PTK2: variants seen among roughly 807,000 people sequenced by gnomAD.
PTK2 encodes the protein protein tyrosine kinase 2.
A neutral mutation model predicts 150.1 loss-of-function variants in PTK2; 45 were observed. The observed-to-expected ratio is 0.30, with a 90% CI of 0.24 to 0.38. PTK2 has a LOEUF of 0.38. Ranked by LOEUF, PTK2 falls within the 10% of genes least tolerant of loss-of-function variation. PTK2 has a pLI of 1.00. For missense variants in PTK2, 919 were observed against 1,307.3 expected (o/e 0.70, Z 4.58); for synonymous variants, 432 against 449.2 (o/e 0.96, Z 0.48).
intron 22 of PTK2, 149 bp downstream of exon 25, chr8:140,735,102 A>T: frequency 1.4e-6 from 1 of 720,754 alleles, no homozygotes; most frequent in South Asian, 1.9e-5. Context: ...AAAGAAATGC[A>T]AATCAATTTT....
rs751260741 is a variant in PTK2, at chr8:140,670,488, A to ACAC, written c.2710-2065_2710-2064insGTG. Among the ~76,000 whole-genome samples the ACAC allele has an allele frequency of 7.4e-4, 29 of 38,936 alleles. 1 individual carries two copies. Among genetic ancestry groups the ACAC allele is most frequent in the Middle Eastern group, 0.022 (1 of 46 alleles). 25.5% of individuals were successfully genotyped at this position (38,936 alleles called of 152,430 possible). On this transcript the variant is annotated intron_variant, in intron 29 of 31. Transcript: ENST00000522684. ...AAAAAAAAAAAAAAAAAAAAACAACAACACACACACACACACACACACACA... is the reference window on the plus strand; with the variant it reads ...AAAAAAAAAAAAAAAAAAAAACAACACACACACACACACACACACACACACACA...
intron 15 of PTK2, among the ~76,000 whole-genome samples, chr8:140,763,737 T>A (rs10099837): frequency 0.022 from 3,379 of 152,172 alleles, 131 homozygotes; most frequent in African/African-American, 0.078. Context: ...CTGACGATGG[T>A]TATGAGCTAT....
At chr8:140,716,390 C>G (rs958414810) in intron 23 of PTK2, among the ~76,000 whole-genome samples, 2 of 152,122 alleles carry the variant, frequency 1.3e-5, no homozygotes, top group Admixed American at 6.5e-5. Context: ...CTAAGGATTT[C>G]CTGTTGTTGT....
intron 4 of PTK2, among the ~76,000 whole-genome samples, chr8:140,874,625 A>C (rs1001798894): frequency 1.3e-5 from 2 of 152,128 alleles, no homozygotes; most frequent in Non-Finnish European, 2.9e-5. Context: ...AAAAGTTATT[A>C]AGCCTTTCCA....
chr8:140,719,903 A>T, intron 22 of PTK2, among the ~76,000 whole-genome samples: 1 of 149,718 alleles, frequency 6.7e-6, no homozygotes, highest in Non-Finnish European at 1.5e-5. Flanking sequence ...AAAAAAAAAA[A>T]AAAAAAAAAA....
chr8:140,905,266 T>C (rs1299679970), intron 2 of PTK2, among the ~76,000 whole-genome samples: 2 of 152,124 alleles, frequency 1.3e-5, no homozygotes, highest in Admixed American at 6.6e-5. Flanking sequence ...CGGAGTGCTG[T>C]ATTTGGGAGA....
chr8:140,787,175 G>A (rs1049105802), intron 14 of PTK2, among the ~76,000 whole-genome samples: 27 of 152,232 alleles, frequency 1.8e-4, no homozygotes, highest in Middle Eastern at 3.4e-3. Flanking sequence ...TCCTAGTTAC[G>A]GAATACCTAG....
intron 29 of PTK2, 193 bp downstream of exon 33, chr8:140,669,534 T>A: frequency 1.8e-6 from 1 of 557,814 alleles, no homozygotes; most frequent in South Asian, 2.8e-5. Flanking sequence ...ATTCATTTAC[T>A]GCAAAGATGT....
At chr8:140,964,836 A>C (rs2100184684) in intron 1 of PTK2, among the ~76,000 whole-genome samples, 1 of 152,136 alleles carries the variant, frequency 6.6e-6, no homozygotes, top group Admixed American at 6.5e-5. Flanking sequence ...CCAGGAACAA[A>C]AATTCAAAGA....
chr8:140,917,326 A>G, intron 2 of PTK2, among the ~76,000 whole-genome samples: 1 of 150,048 alleles, frequency 6.7e-6, no homozygotes, highest in Admixed American at 6.6e-5. Context: ...TGGGCGACAG[A>G]GCAAGACTCT....
intron 5 of PTK2, among the ~76,000 whole-genome samples, chr8:140,851,550 C>T (rs538521550): frequency 5.9e-4 from 90 of 152,112 alleles, no homozygotes; most frequent in African/African-American, 1.9e-3. Flanking sequence ...TTAAGTAACC[C>T]CAAATTTTAT....
rs909634999 is a variant in PTK2, at chr8:140,715,284, T to G, written c.2142+2314A>C. Among the ~76,000 whole-genome samples the G allele has an allele frequency of 2.0e-5, 3 of 147,330 alleles. No homozygotes were observed. The South Asian group carries it at 6.8e-4, about 33-fold the overall frequency. ...GCCTCCTGAGTTCAAGCAATTATCT[T>G]GCCTCAGCCTCCTGAGTAGCTGGGA... On this transcript the variant is annotated intron_variant, in intron 23 of 31. Transcript: ENST00000522684.
chr8:140,870,334 ACTAT>A (rs898584697), intron 4 of PTK2, among the ~76,000 whole-genome samples: 25 of 152,350 alleles, frequency 1.6e-4, no homozygotes, highest in African/African-American at 5.1e-4. Context: ...ATAATAAAAC[ACTAT>A]CTAACAAAGT....
chr8:140,772,551 C>G (rs770202129), intron 14 of PTK2, among the ~76,000 whole-genome samples: 3 of 152,350 alleles, frequency 2.0e-5, no homozygotes, highest in Non-Finnish European at 4.4e-5. Flanking sequence ...ATAATTTAGA[C>G]TGCGGATAAG....
chr8:140,846,734 T>C (rs904219572), intron 5 of PTK2, 56 bp from the exon 6 acceptor site: 9 of 1,244,026 alleles, frequency 7.2e-6, no homozygotes, highest in Admixed American at 3.9e-5. Flanking sequence ...ATATTAGATA[T>C]ATGCATTCAA....
At chr8:140,817,336 T>C (rs2100105344) in intron 10 of PTK2, among the ~76,000 whole-genome samples, 2 of 152,078 alleles carry the variant, frequency 1.3e-5, no homozygotes, top group Non-Finnish European at 2.9e-5. Context: ...CAGAGTACAC[T>C]TGGAAAAAAG....
intron 2 of PTK2, chr8:140,921,088 T>G: frequency 1.5e-6 from 2 of 1,312,102 alleles, no homozygotes; most frequent in East Asian, 6.2e-5. Flanking sequence ...TCCAGCAGCT[T>G]GAAGAATGCC....
chr8:140,915,373 G>T (rs1005341984), intron 2 of PTK2, among the ~76,000 whole-genome samples: 3 of 152,078 alleles, frequency 2.0e-5, no homozygotes, highest in African/African-American at 7.2e-5. Flanking sequence ...GACCAGACCA[G>T]ATGACACAGC....
At chr8:140,703,671 T>C (rs2100032030) in intron 24 of PTK2, among the ~76,000 whole-genome samples, 1 of 152,198 alleles carries the variant, frequency 6.6e-6, no homozygotes, top group South Asian at 2.1e-4. Flanking sequence ...GAGCTGATGG[T>C]AGGGTAAGTC....
Sources: allele counts gnomAD v4.1 joint callset (sites outside exome capture counted in the v4.1 genomes callset), GRCh38; gene constraint gnomAD v4.1.1; transcripts MANE v1.5; gene names NCBI Gene and HGNC (gene_info 2026-07-23, HGNC 2026-07-21).